DLG1: variants seen among roughly 807,000 people sequenced by gnomAD.
The protein encoded by DLG1 is disks large homolog 1.
A neutral mutation model predicts 123.4 loss-of-function variants in DLG1; 42 were observed. That is an observed-to-expected ratio of 0.34 (90% CI 0.27 to 0.44). The LOEUF (loss-of-function observed/expected upper bound fraction) is 0.44. Among genes scored for constraint, DLG1 ranks in the 20% least tolerant of loss-of-function variants. DLG1 has a pLI of 1.00. For synonymous variants in DLG1, 317 were observed against 356.2 expected (o/e 0.89, Z 1.24); for missense variants, 942 against 1,082.6 (o/e 0.87, Z 1.82).
intron 24 of DLG1, among the ~76,000 whole-genome samples, chr3:197,045,106 A>C (rs1721996607): frequency 6.6e-6 from 1 of 151,792 alleles, no homozygotes; most frequent in Admixed American, 6.6e-5. Flanking sequence ...ATGTAAGGAT[A>C]ATTTTTTTTT....
At chr3:197,269,870 AAAGG>A (rs1360865022) in intron 4 of DLG1, among the ~76,000 whole-genome samples, 1 of 152,212 alleles carries the variant, frequency 6.6e-6, no homozygotes, top group Non-Finnish European at 1.5e-5. Context: ...TGAGTTTAAG[AAAGG>A]AAGACAAAGC....
Position 197,249,541 on chromosome 3 carries a change from G to A in DLG1, c.318+33138C>T, listed in dbSNP as rs539990586. 5.9e-5 allele frequency among the ~76,000 whole-genome samples: 9 copies of A among 151,350 alleles called. No homozygotes were observed. In the East Asian group the frequency reaches 7.8e-4, roughly 13 times the overall value. ...ACTCAAACTCTTTAAAAAAAAAATC[G>A]AATGTTTTGGAATTCATTCTACAAG... On this transcript the variant is annotated intron_variant, in intron 4 of 24. Coordinates refer to ENST00000667157, the MANE Select transcript of DLG1 (RefSeq NM_001366207.1).
chr3:197,161,322 G>A (rs142721336), intron 5 of DLG1, among the ~76,000 whole-genome samples: 76 of 152,262 alleles, frequency 5.0e-4, no homozygotes, highest in African/African-American at 1.7e-3. Flanking sequence ...ACTAACTTTA[G>A]AAGAATAAAG....
chr3:197,213,017 G>A (rs1399308745), intron 4 of DLG1, among the ~76,000 whole-genome samples: 2 of 152,150 alleles, frequency 1.3e-5, no homozygotes, highest in African/African-American at 4.8e-5. Flanking sequence ...CTGCCCAAAT[G>A]TGAAAATAAC....
intron 24 of DLG1, among the ~76,000 whole-genome samples, chr3:197,045,445 AAG>A (rs1339770307): frequency 6.6e-6 from 1 of 152,214 alleles, no homozygotes; most frequent in Non-Finnish European, 1.5e-5. Context: ...TTAAGAAAGA[AAG>A]AAAATGTTTA....
rs145160633 is a variant in DLG1 at position 197,271,317 on chromosome 3, T to C, written c.318+11362A>G. 3.8e-3 allele frequency among the ~76,000 whole-genome samples: 572 copies of C among 152,216 alleles called. 3 individuals are homozygous for C. Among genetic ancestry groups the C allele is most frequent in the Non-Finnish European group, 6.2e-3 (422 of 68,016 alleles). The stretch of plus-strand genomic sequence containing the variant: ...AAATTCTTTCTCTTTCCTTGCAGAG[T>C]CCTAACATGCAGTACAAATGGCTTC... On this transcript the variant is annotated intron_variant, in intron 4 of 24. Transcript: ENST00000667157.
intron 5 of DLG1, among the ~76,000 whole-genome samples, chr3:197,193,851 T>C (rs1472400190): frequency 1.3e-5 from 2 of 151,774 alleles, no homozygotes; most frequent in African/African-American, 2.4e-5. Flanking sequence ...AATGGAGTTA[T>C]TGCTGTCGCC....
intron 5 of DLG1, among the ~76,000 whole-genome samples, chr3:197,178,142 A>G (rs1187755616): frequency 6.6e-6 from 1 of 152,200 alleles, no homozygotes; most frequent in Non-Finnish European, 1.5e-5. Context: ...AAGAAGACAG[A>G]GTAATGTCTG....
intron 5 of DLG1, among the ~76,000 whole-genome samples, chr3:197,174,388 T>C (rs1805910836): frequency 6.6e-6 from 1 of 152,162 alleles, no homozygotes; most frequent in Non-Finnish European, 1.5e-5. Context: ...AAATTTCAAG[T>C]TTCACCTACA....
At chr3:197,182,130 C>CAT (rs144641816) in intron 5 of DLG1, among the ~76,000 whole-genome samples, 22,828 of 119,800 alleles carry the variant, frequency 0.19, 2,458 homozygotes, top group African/African-American at 0.32. Flanking sequence ...TTACATAAAC[C>CAT]ATATATATAT....
chr3:197,086,655 T>C (rs2149121672), intron 15 of DLG1, among the ~76,000 whole-genome samples: 2 of 152,290 alleles, frequency 1.3e-5, no homozygotes, highest in Admixed American at 1.3e-4. Flanking sequence ...AACTAGTAGT[T>C]AATGGTTTTT....
chr3:197,049,869 C>T (rs1391803512), intron 24 of DLG1, among the ~76,000 whole-genome samples: 1 of 152,054 alleles, frequency 6.6e-6, no homozygotes, highest in Admixed American at 6.5e-5. Flanking sequence ...TTGAGACCAG[C>T]CTAGGCAACA....
At chr3:197,245,899 T>TGGGGGGG (rs1554044922) in intron 4 of DLG1, among the ~76,000 whole-genome samples, 1 of 93,470 alleles carries the variant, frequency 1.1e-5, no homozygotes, top group African/African-American at 4.1e-5. Context: ...TTTTTTTTTT[T>TGGGGGGG]TGGGGGGGGG....
chr3:197,214,348 G>A (rs1732876272), intron 4 of DLG1, among the ~76,000 whole-genome samples: 1 of 152,110 alleles, frequency 6.6e-6, no homozygotes, highest in South Asian at 2.1e-4. Flanking sequence ...GCCGAGGTGG[G>A]AGGATCATGA....
chr3:197,122,011 T>A (rs1170747879), intron 11 of DLG1, among the ~76,000 whole-genome samples: 2 of 151,700 alleles, frequency 1.3e-5, no homozygotes, highest in East Asian at 3.8e-4. Flanking sequence ...AGAGATGAAA[T>A]AACATTCTGA....
chr3:197,186,817 A>G (rs1261589000), intron 5 of DLG1, among the ~76,000 whole-genome samples: 1 of 152,140 alleles, frequency 6.6e-6, no homozygotes, highest in Non-Finnish European at 1.5e-5. Flanking sequence ...GGCTCAATCC[A>G]TGCTCCTGCC....
chr3:197,265,511 G>C (rs1345036728), intron 4 of DLG1, among the ~76,000 whole-genome samples: 1 of 152,180 alleles, frequency 6.6e-6, no homozygotes, highest in Non-Finnish European at 1.5e-5. Flanking sequence ...TCACAGGTAA[G>C]AGTACCAGAA....
At chr3:197,267,561 C>T (rs929427652) in intron 4 of DLG1, among the ~76,000 whole-genome samples, 6 of 99,690 alleles carry the variant, frequency 6.0e-5, no homozygotes, top group Non-Finnish European at 1.1e-4. Context: ...ACGTAGTTTG[C>T]CTTTTTTTCT....
At chr3:197,148,245 C>CAAAAAA (rs1300222676) in intron 6 of DLG1, among the ~76,000 whole-genome samples, 14 of 43,290 alleles carry the variant, frequency 3.2e-4, no homozygotes, top group South Asian at 1.5e-3. Flanking sequence ...ACCAAAAATA[C>CAAAAAA]AAAAAAAAAA....
Sources: gnomAD v4.1 joint callset for allele counts (sites outside exome capture counted in the v4.1 genomes callset) on GRCh38, gnomAD v4.1.1 for gene constraint, MANE v1.5 for transcripts, NCBI Gene and HGNC (gene_info 2026-07-23, HGNC 2026-07-21) for gene names.